Variants in TMEFF2 observed in about 807,000 individuals in gnomAD.
The protein encoded by TMEFF2 is tomoregulin-2.
TMEFF2 carries 28 observed loss-of-function variants against 53.8 expected under a neutral mutation model. That is an observed-to-expected ratio of 0.52 (90% CI 0.39 to 0.71). TMEFF2 has a LOEUF of 0.71. Among genes scored for constraint, TMEFF2 ranks in the 30% least tolerant of loss-of-function variants. The pLI is 0.00. For synonymous variants in TMEFF2, 162 were observed against 166.3 expected, an observed-to-expected ratio of 0.97 and a Z score of 0.20; for missense variants, 353 against 455.2, an observed-to-expected ratio of 0.78 and a Z score of 2.04.
At chr2:192,161,670 G>A (rs558117335) in intron 4 of TMEFF2, among the ~76,000 whole-genome samples, 2 of 152,252 alleles carry the variant, frequency 1.3e-5, no homozygotes, top group East Asian at 3.9e-4. Context: ...TTCTGTTAAA[G>A]AAAACAGGCT....
At chr2:192,056,412 G>A (rs543055184) in intron 5 of TMEFF2, among the ~76,000 whole-genome samples, 4 of 152,058 alleles carry the variant, frequency 2.6e-5, no homozygotes, top group African/African-American at 9.6e-5. Context: ...AAGAGGAAGA[G>A]GAGGAGGGGA....
intron 7 of TMEFF2, among the ~76,000 whole-genome samples, chr2:191,962,662 T>G (rs531708481): frequency 6.6e-6 from 1 of 152,378 alleles, no homozygotes; most frequent in South Asian, 2.1e-4. Flanking sequence ...TGCAACATTT[T>G]CACTTGACAT....
intron 4 of TMEFF2, among the ~76,000 whole-genome samples, chr2:192,078,666 T>G (rs1361560099): frequency 6.6e-6 from 1 of 152,196 alleles, no homozygotes. Context: ...CAGCTAAATC[T>G]CAATACAAAT....
intron 7 of TMEFF2, among the ~76,000 whole-genome samples, chr2:191,974,103 C>A (rs1196710027): frequency 6.6e-6 from 1 of 152,168 alleles, no homozygotes; most frequent in Non-Finnish European, 1.5e-5. Flanking sequence ...TGTGTGTTCT[C>A]ATTTTTAATC....
Position 191,949,759 on chromosome 2 carries a change from A to T in TMEFF2, c.*552T>A. ...GGATGAAAATGGAAGACCAGGGAAGAAAGTTGATGAAATAGAGATGATTCA... is the reference window on the plus strand; with the variant it reads ...GGATGAAAATGGAAGACCAGGGAAGTAAGTTGATGAAATAGAGATGATTCA... On this transcript the variant is annotated 3_prime_UTR_variant, in exon 10 of 10. Coordinates refer to ENST00000272771, the MANE Select transcript of TMEFF2 (RefSeq NM_016192.4). 4 of 985,348 alleles carry T rather than the reference A, an allele frequency of 4.1e-6. No homozygotes were observed. The highest frequency in any genetic ancestry group is 4.8e-6 in the Non-Finnish European group (4 of 829,844). The allele number at this position is 985,348 out of a possible 1,614,324, so 61.0% of individuals were successfully genotyped here.
At chr2:192,062,111 A>C (rs984579954) in intron 4 of TMEFF2, among the ~76,000 whole-genome samples, 4 of 152,066 alleles carry the variant, frequency 2.6e-5, no homozygotes, top group Admixed American at 6.6e-5. Flanking sequence ...CACATAGAAC[A>C]ACTCTATCAT....
chr2:192,112,529 G>A (rs7602928), intron 4 of TMEFF2, among the ~76,000 whole-genome samples: 64,404 of 151,928 alleles, frequency 0.42, 13,903 homozygotes, highest in South Asian at 0.47. Context: ...CATAGATGGA[G>A]GGGACTTGCC....
intron 7 of TMEFF2, among the ~76,000 whole-genome samples, chr2:191,964,156 C>G (rs1189161207): frequency 1.3e-5 from 2 of 152,046 alleles, no homozygotes. Context: ...CTTTATCCCA[C>G]CTAGATTCTA....
At chr2:192,178,386 A>C (rs570222248) in intron 4 of TMEFF2, 5 of 150,808 alleles carry the variant, frequency 3.3e-5, no homozygotes, top group Non-Finnish European at 1.5e-5. Flanking sequence ...TCTTGGGAAT[A>C]CTATATTAAT....
At chr2:192,149,898 C>T (rs1176732416) in intron 4 of TMEFF2, among the ~76,000 whole-genome samples, 1 of 151,934 alleles carries the variant, frequency 6.6e-6, no homozygotes, top group Non-Finnish European at 1.5e-5. Context: ...AACTTCCTGG[C>T]TAACTTTCAA....
At chr2:191,959,455 G>A (rs1692205367) in intron 7 of TMEFF2, among the ~76,000 whole-genome samples, 1 of 152,190 alleles carries the variant, frequency 6.6e-6, no homozygotes, top group South Asian at 2.1e-4. Flanking sequence ...TACTCATATT[G>A]TTTCTACCCT....
At position 192,037,335 on chromosome 2, in the gene TMEFF2, AAAAC is replaced by A. The variant is rs369453276; in HGVS notation, c.536+20340_536+20343del. Among the ~76,000 whole-genome samples, 51 of 150,474 alleles carry A rather than the reference AAAAC, an allele frequency of 3.4e-4. No homozygotes were observed. The East Asian group carries it at 8.1e-3, about 24-fold the overall frequency. ...AAAGAAAGAAAGAAAGAAAGAAAGA[AAAAC>A]AGAAAACAGAAAAAAAAACCTCTCA... On this transcript the variant is annotated intron_variant, in intron 5 of 9. Coordinates refer to ENST00000272771, the MANE Select transcript of TMEFF2 (RefSeq NM_016192.4).
chr2:192,075,300 T>TATAAATATATATATAA (rs1452082643), intron 4 of TMEFF2, among the ~76,000 whole-genome samples: 2 of 40,116 alleles, frequency 5.0e-5, no homozygotes, highest in East Asian at 4.2e-4. Flanking sequence ...TATATATATA[T>TATAAATATATATATAA]ATATATATAT....
chr2:191,957,366 CACTCTTCAATCTGAAGGT>C (rs149562060), intron 7 of TMEFF2, among the ~76,000 whole-genome samples: 1,824 of 152,194 alleles, frequency 0.012, 35 homozygotes, highest in African/African-American at 0.041. Flanking sequence ...AATCTGAAGA[CACTCTTCAATCTGAAGGT>C]ACTCTTCAAC....
At chr2:191,981,770 A>G (rs934744102) in intron 7 of TMEFF2, among the ~76,000 whole-genome samples, 5 of 152,294 alleles carry the variant, frequency 3.3e-5, no homozygotes, top group Middle Eastern at 6.8e-3. Flanking sequence ...TATTACCAGC[A>G]TCGGTAATAC....
chr2:192,106,586 A>T (rs1689154974), intron 4 of TMEFF2, among the ~76,000 whole-genome samples: 1 of 151,734 alleles, frequency 6.6e-6, no homozygotes, highest in Non-Finnish European at 1.5e-5. Context: ...AATAAAATTT[A>T]CTCTTCTTAA....
chr2:192,140,943 T>C (rs1045538768), intron 4 of TMEFF2, among the ~76,000 whole-genome samples: 22 of 152,286 alleles, frequency 1.4e-4, no homozygotes, highest in Middle Eastern at 3.4e-3. Flanking sequence ...TAACTATTTA[T>C]GGAGCATTTA....
At position 191,963,422 on chromosome 2, in the gene TMEFF2, G is replaced by C. The variant is rs142816069; in HGVS notation, c.746-7044C>G. On this transcript the variant is annotated intron_variant, in intron 7 of 9. Coordinates refer to ENST00000272771, the MANE Select transcript of TMEFF2 (RefSeq NM_016192.4). ...AACAGAAGAAAGAAGCAACGGGTCA[G>C]GTCCCATCTACTCTAGTCTTCTGGG... Among the ~76,000 whole-genome samples, 342 of 152,286 alleles carry C rather than the reference G, an allele frequency of 2.2e-3. 3 individuals carry two copies. Among genetic ancestry groups the C allele is most frequent in the African/African-American group, 7.8e-3 (325 of 41,552 alleles).
chr2:191,998,339 C>T lies in TMEFF2; in HGVS notation c.686-18G>A. On this transcript the variant is annotated intron_variant, in intron 6 of 9. Transcript: ENST00000272771. ...TGTGTTATCTGTGTTAAAAAATTAA[C>T]AATAAAAATTGATTAACTGCTTCCT... 2 of 1,557,474 alleles carry T rather than the reference C, an allele frequency of 1.3e-6. No individual in the cohort carries two copies. Among genetic ancestry groups the T allele is most frequent in the Non-Finnish European group, 1.8e-6 (2 of 1,142,332 alleles).
Sources: gnomAD v4.1 joint callset for allele counts (sites outside exome capture counted in the v4.1 genomes callset) on GRCh38, gnomAD v4.1.1 for gene constraint, MANE v1.5 for transcripts, NCBI Gene and HGNC (gene_info 2026-07-23, HGNC 2026-07-21) for gene names.